The following ARID2 variants were observed in gnomAD, a reference collection of about 807,000 sequenced individuals.
The protein encoded by ARID2 is AT-rich interactive domain-containing protein 2.
ARID2 carries 32 observed loss-of-function variants against 184.6 expected under a neutral mutation model. The ratio of observed to expected loss-of-function variants is 0.17; its 90% CI spans 0.13 to 0.23. The LOEUF (loss-of-function observed/expected upper bound fraction) is 0.23, where lower values mean the gene tolerates loss of function less well. ARID2 is among the 10% of genes least tolerant of loss of function. The pLI is 1.00. For synonymous variants in ARID2, 836 were observed against 772.6 expected (o/e 1.08, Z -1.36); for missense variants, 1,696 against 2,197.6 (o/e 0.77, Z 4.56).
intron 20 of ARID2, among the ~76,000 whole-genome samples, chr12:45,896,149 T>A (rs1944365456): frequency 6.6e-6 from 1 of 152,200 alleles, no homozygotes; most frequent in Non-Finnish European, 1.5e-5. Flanking sequence ...TTTCATCGTA[T>A]AGACAGGGCA....
chr12:45,858,486 G>A (rs972869187), intron 15 of ARID2, among the ~76,000 whole-genome samples: 2 of 152,182 alleles, frequency 1.3e-5, no homozygotes, highest in Admixed American at 6.5e-5. Context: ...ATGGTTTTCA[G>A]ATTTATTTTT....
intron 16 of ARID2, among the ~76,000 whole-genome samples, chr12:45,866,088 T>C (rs1402603497): frequency 4.6e-5 from 7 of 152,132 alleles, no homozygotes; most frequent in Non-Finnish European, 1.0e-4. Context: ...ACTTTGTTTC[T>C]TATTTTAAAC....
chr12:45,849,047 ATATCTT>A, intron 13 of ARID2, 77 bp downstream of exon 13: 1 of 1,466,992 alleles, frequency 6.8e-7, no homozygotes, highest in Non-Finnish European at 9.2e-7. Context: ...AAAATACCAA[ATATCTT>A]ATCTAGTTTT....
In ARID2 at chr12:45,828,811, G is replaced by GT. The variant is rs547474214; in HGVS notation, c.705+7332dup. Among the ~76,000 whole-genome samples, 35 of 151,536 alleles carry GT rather than the reference G, an allele frequency of 2.3e-4. 1 individual carries two copies. Among genetic ancestry groups the GT allele is most frequent in the African/African-American group, 8.5e-4 (35 of 41,374 alleles). ...ATAATTATCTTTTTGATTTGTAAGA[G>GT]TTTTTTTTCTATATTTTGGATAAAA... On this transcript the variant is annotated intron_variant, in intron 6 of 20. Coordinates refer to ENST00000334344, the MANE Select transcript of ARID2 (RefSeq NM_152641.4).
Position 45,860,796 on chromosome 12 carries a change from C to T in ARID2, c.4774-5C>T, listed in dbSNP as rs1295147179. On this transcript the variant is annotated splice_polypyrimidine_tract_variant and splice_region_variant and intron_variant, in intron 15 of 20. Transcript: ENST00000334344. ...CACAAACTCTGCATTTGTTCTTTTT[C>T]ACAGAACACTCCTATGCCACCTTCA... The T allele has an allele frequency of 6.6e-7, 1 of 1,526,352 alleles. No homozygotes were observed. The allele number at this position is 1,526,352 out of a possible 1,614,324, so 94.6% of individuals were successfully genotyped here. A position where few individuals can be genotyped will look rare whatever the true frequency, so the allele number is the denominator to read the frequency against.
At chr12:45,751,318 A>C (rs1162602099) in intron 3 of ARID2, among the ~76,000 whole-genome samples, 1 of 152,202 alleles carries the variant, frequency 6.6e-6, no homozygotes, top group South Asian at 2.1e-4. Context: ...TTCAAAGAAC[A>C]TTTAGGAGCC....
rs71067909 is a variant in ARID2 at position 45,901,154 on chromosome 12, A to ATTTTTTTTTTTTT, written c.5364-3758_5364-3746dup. On this transcript the variant is annotated intron_variant, in intron 20 of 20. Transcript: ENST00000334344. ...AATCTATTTTTTGGAAATTTCCTTA[A>ATTTTTTTTTTTTT]TTTTTTTTTTTTTTTTTTTTTTTTT... 2.2e-4 allele frequency among the ~76,000 whole-genome samples: 10 copies of ATTTTTTTTTTTTT among 44,966 alleles called. 3 individuals are homozygous for ATTTTTTTTTTTTT. The highest frequency in any genetic ancestry group is 3.2e-4 in the Non-Finnish European group (9 of 28,216). The allele number at this position is 44,966 out of a possible 152,430, so 29.5% of individuals were successfully genotyped here.
intron 3 of ARID2, among the ~76,000 whole-genome samples, chr12:45,794,285 G>T (rs1942347332): frequency 1.3e-5 from 2 of 152,078 alleles, no homozygotes; most frequent in African/African-American, 4.8e-5. Flanking sequence ...ACAATTTTAG[G>T]GATGGAATAT....
chr12:45,849,429 C>A (rs1335765585), intron 13 of ARID2, 151 bp from the exon 14 acceptor site: 3 of 501,190 alleles, frequency 6.0e-6, no homozygotes, highest in Non-Finnish European at 1.0e-5. Flanking sequence ...TTTTATATTT[C>A]TTTGCTTTCC....
At chr12:45,888,152 G>A (rs1427412895) in intron 16 of ARID2, among the ~76,000 whole-genome samples, 8 of 148,766 alleles carry the variant, frequency 5.4e-5, no homozygotes, top group African/African-American at 1.3e-4. Context: ...CCGAGATCGC[G>A]CCACTGCACT....
rs771442805 is a variant in ARID2, at chr12:45,837,592, T to C, written c.1215T>C (p.Cys405=). 1.2e-6 allele frequency: 2 copies of C among 1,614,106 alleles called. No individual in the cohort carries two copies. The highest frequency in any genetic ancestry group is 2.2e-5 in the South Asian group (2 of 91,082). Residue 405 remains cysteine (C), a synonymous_variant, in exon 10 of 21, where the codon TGT becomes TGC. Transcript: ENST00000334344. The part of the protein sequence containing the change: ...VDQDSYREII[C]HLTLPDVLLV... The stretch of plus-strand genomic sequence containing the variant: ...AGGATTCCTACAGAGAGATCATTTG[T>C]CATCTCACTTTACCTGATGTGCTGC...
intron 16 of ARID2, among the ~76,000 whole-genome samples, chr12:45,883,889 A>C (rs976870882): frequency 1.3e-5 from 2 of 152,182 alleles, no homozygotes; most frequent in South Asian, 4.1e-4. Context: ...CAGAAGTTCA[A>C]GTGGAGACGT....
chr12:45,845,489 A>G (rs751189729), intron 11 of ARID2, among the ~76,000 whole-genome samples: 14 of 152,174 alleles, frequency 9.2e-5, no homozygotes, highest in Non-Finnish European at 1.9e-4. Flanking sequence ...CAGCTCTGCT[A>G]TCTCCACCGT....
rs145136414 is a variant in ARID2 at position 45,872,245 on chromosome 12, T to C, written c.4922+11296T>C. Among the ~76,000 whole-genome samples, 1,194 of 152,300 alleles carry C rather than the reference T, an allele frequency of 7.8e-3. 13 individuals are homozygous for C. Among genetic ancestry groups the C allele is most frequent in the Middle Eastern group, 0.027 (8 of 294 alleles). On this transcript the variant is annotated intron_variant, in intron 16 of 20. Coordinates refer to ENST00000334344, the MANE Select transcript of ARID2 (RefSeq NM_152641.4). ...ATTTTAGATCTTTCTTCTTTTTTAG[T>C]ATATAAGTTCAATGCTAAAGCCTTC...
At chr12:45,765,173 A>T (rs2138015238) in intron 3 of ARID2, among the ~76,000 whole-genome samples, 2 of 151,998 alleles carry the variant, frequency 1.3e-5, no homozygotes, top group Middle Eastern at 6.8e-3. Context: ...TAAGTATTTG[A>T]TCTCATGCCC....
At chr12:45,773,263 A>G (rs1244890402) in intron 3 of ARID2, among the ~76,000 whole-genome samples, 3 of 152,096 alleles carry the variant, frequency 2.0e-5, no homozygotes, top group Non-Finnish European at 2.9e-5. Context: ...TGCTTAGAGG[A>G]AAATCTGTAA....
intron 16 of ARID2, among the ~76,000 whole-genome samples, chr12:45,874,939 A>G (rs982912846): frequency 6.6e-6 from 1 of 152,310 alleles, no homozygotes; most frequent in East Asian, 1.9e-4. Context: ...GGCTGGCAAT[A>G]TAGCAAGACC....
intron 16 of ARID2, among the ~76,000 whole-genome samples, chr12:45,883,510 A>C (rs185307626): frequency 7.4e-5 from 11 of 149,520 alleles, no homozygotes; most frequent in Non-Finnish European, 1.3e-4. Flanking sequence ...TGCGTAAAAT[A>C]AGGAGAATTA....
chr12:45,775,645 A>T (rs1448643135), intron 3 of ARID2, among the ~76,000 whole-genome samples: 5 of 152,226 alleles, frequency 3.3e-5, no homozygotes, highest in Admixed American at 3.3e-4. Context: ...ACATTAACTC[A>T]TTAGCTCAGC....
Sources: gnomAD v4.1 joint callset for allele counts (sites outside exome capture counted in the v4.1 genomes callset) on GRCh38, gnomAD v4.1.1 for gene constraint, MANE v1.5 for transcripts, NCBI Gene and HGNC (gene_info 2026-07-23, HGNC 2026-07-21) for gene names.